The following PLXDC2 variants were observed in gnomAD, a reference collection of about 807,000 sequenced individuals.
PLXDC2 encodes plexin domain-containing protein 2.
In PLXDC2, 40 loss-of-function variants were observed where a neutral mutation model predicts 68.9. The ratio of observed to expected loss-of-function variants is 0.58; its 90% CI spans 0.45 to 0.76. The LOEUF (loss-of-function observed/expected upper bound fraction) is 0.76. Ranked by LOEUF, PLXDC2 falls within the 30% of genes least tolerant of loss-of-function variation. The probability of loss-of-function intolerance (pLI) is 0.00; values close to 1 mark genes in which losing one functional copy is unlikely to be tolerated. For missense variants in PLXDC2, 644 were observed against 661.9 expected (o/e 0.97, Z 0.30); for synonymous variants, 243 against 234.2 (o/e 1.04, Z -0.34).
rs1834540597 is a variant in PLXDC2, at chr10:20,177,308, T to G, written c.980-20T>G. 1 of 1,565,764 alleles carries G rather than the reference T, an allele frequency of 6.4e-7. No individual in the cohort carries two copies. Among genetic ancestry groups the G allele is most frequent in the East Asian group, 2.2e-5 (1 of 44,576 alleles). ...AGTTGCCTGTTAGTCTTGGTGAATC[T>G]GTTCTTTCCTCTTCCCTAGCATGCC... On this transcript the variant is annotated intron_variant, in intron 8 of 13. Transcript: ENST00000377252.
In PLXDC2 at chr10:20,113,730, A is replaced by G. The variant is rs557752574; in HGVS notation, c.542-29565A>G. On this transcript the variant is annotated intron_variant, in intron 4 of 13. Transcript: ENST00000377252. The stretch of plus-strand genomic sequence containing the variant: ...TTGAAGGGGAAAAATAAAAAAACAG[A>G]CACAGTTGATTTTGCCATGTACCCT... Among the ~76,000 whole-genome samples the G allele has an allele frequency of 2.6e-5, 4 of 152,296 alleles. No homozygotes were observed. In the South Asian group the frequency reaches 8.3e-4, roughly 32 times the overall value.
intron 5 of PLXDC2, among the ~76,000 whole-genome samples, chr10:20,145,624 A>G (rs939176558): frequency 2.0e-5 from 3 of 152,092 alleles, no homozygotes; most frequent in Non-Finnish European, 4.4e-5. Context: ...ATCTCTGCTC[A>G]CTACAACCTC....
intron 1 of PLXDC2, among the ~76,000 whole-genome samples, chr10:19,869,677 A>T (rs1225227506): frequency 6.6e-6 from 1 of 152,004 alleles, no homozygotes; most frequent in Admixed American, 6.6e-5. Context: ...TAATATATTG[A>T]ATAGTATTTA....
In PLXDC2 at chr10:19,901,491, A is replaced by G. The variant is rs150097080; in HGVS notation, c.112+84300A>G. Among the ~76,000 whole-genome samples, 191 of 152,042 alleles carry G rather than the reference A, an allele frequency of 1.3e-3. 1 individual carries two copies. Among genetic ancestry groups the G allele is most frequent in the African/African-American group, 4.1e-3 (170 of 41,492 alleles). Reference sequence around the variant, plus strand: ...GTATATCTTCTTTTGAGAATTGTCTATTCGTGTCCTTAGCCTACTTTTTGA... The same window carrying G: ...GTATATCTTCTTTTGAGAATTGTCTGTTCGTGTCCTTAGCCTACTTTTTGA... On this transcript the variant is annotated intron_variant, in intron 1 of 13. Coordinates refer to ENST00000377252, the MANE Select transcript of PLXDC2 (RefSeq NM_032812.9).
chr10:19,865,450 C>G (rs1035910930), intron 1 of PLXDC2, among the ~76,000 whole-genome samples: 1 of 152,156 alleles, frequency 6.6e-6, no homozygotes, highest in Non-Finnish European at 1.5e-5. Flanking sequence ...TTACTGTACT[C>G]GAGGTTCTGC....
At chr10:19,894,204 G>T (rs1589523682) in intron 1 of PLXDC2, among the ~76,000 whole-genome samples, 1 of 151,452 alleles carries the variant, frequency 6.6e-6, no homozygotes, top group African/African-American at 2.4e-5. Context: ...AAGTCTTCAA[G>T]ATCCCAGAAA....
At chr10:20,254,048 G>T (rs1218848393) in intron 13 of PLXDC2, among the ~76,000 whole-genome samples, 1 of 152,110 alleles carries the variant, frequency 6.6e-6, no homozygotes, top group Non-Finnish European at 1.5e-5. Context: ...ATGGCACCCG[G>T]TTACAGAGCC....
At chr10:20,276,449 A>G (rs1836008032) in intron 13 of PLXDC2, among the ~76,000 whole-genome samples, 1 of 152,212 alleles carries the variant, frequency 6.6e-6, no homozygotes, top group Non-Finnish European at 1.5e-5. Context: ...CTGACTGCAC[A>G]GCCAACCCCA....
intron 6 of PLXDC2, among the ~76,000 whole-genome samples, chr10:20,151,612 C>T (rs186822836): frequency 4.4e-4 from 67 of 152,254 alleles, no homozygotes; most frequent in African/African-American, 1.5e-3. Context: ...AAATCTATGT[C>T]TCATTTGTCT....
chr10:20,100,458 A>G (rs548785241), intron 4 of PLXDC2, among the ~76,000 whole-genome samples: 1 of 152,262 alleles, frequency 6.6e-6, no homozygotes, highest in South Asian at 2.1e-4. Flanking sequence ...TTTTCCTCCA[A>G]GGGAAAGGGT....
chr10:20,044,188 T>TCTCTCTCC (rs2131679447), intron 2 of PLXDC2, among the ~76,000 whole-genome samples: 4 of 129,118 alleles, frequency 3.1e-5, no homozygotes, highest in African/African-American at 1.0e-4. Flanking sequence ...CTTCTTTCTT[T>TCTCTCTCC]CTTTCTCTCT....
chr10:20,049,162 C>G (rs751563746), intron 3 of PLXDC2, among the ~76,000 whole-genome samples: 1 of 151,946 alleles, frequency 6.6e-6, no homozygotes, highest in Non-Finnish European at 1.5e-5. Context: ...AATTCAACAC[C>G]CTTCATGTTA....
chr10:20,071,147 G>T (rs978903655), intron 4 of PLXDC2: 5 of 152,178 alleles, frequency 3.3e-5, no homozygotes, highest in African/African-American at 1.2e-4. Flanking sequence ...ATTGACCTGG[G>T]TGTCTTCAAA....
intron 1 of PLXDC2, among the ~76,000 whole-genome samples, chr10:19,921,390 C>T (rs967133122): frequency 2.6e-5 from 4 of 152,118 alleles, no homozygotes; most frequent in Non-Finnish European, 5.9e-5. Flanking sequence ...ACAGTTTCAT[C>T]CCTGTTGGCC....
At chr10:19,861,861 T>C (rs16919458) in intron 1 of PLXDC2, among the ~76,000 whole-genome samples, 6,522 of 152,236 alleles carry the variant, frequency 0.043, 482 homozygotes, top group African/African-American at 0.15. Context: ...GAACTCTTCC[T>C]TAGTAACCTG....
At chr10:19,869,522 C>A (rs1026581298) in intron 1 of PLXDC2, among the ~76,000 whole-genome samples, 1 of 149,132 alleles carries the variant, frequency 6.7e-6, no homozygotes, top group Admixed American at 6.7e-5. Context: ...CATTAAATTT[C>A]TCTAAGCCAA....
At chr10:20,197,795 A>C (rs768192930) in intron 9 of PLXDC2, among the ~76,000 whole-genome samples, 2 of 152,018 alleles carry the variant, frequency 1.3e-5, no homozygotes, top group African/African-American at 2.4e-5. Context: ...AGTAGCTGGG[A>C]TTCTATGGTG....
intron 2 of PLXDC2, among the ~76,000 whole-genome samples, chr10:20,019,745 A>G (rs1376943814): frequency 6.6e-6 from 1 of 152,178 alleles, no homozygotes; most frequent in Non-Finnish European, 1.5e-5. Context: ...CTTGACACTG[A>G]ACTTCCAGCC....
intron 13 of PLXDC2, among the ~76,000 whole-genome samples, chr10:20,265,077 G>A (rs1466276390): frequency 2.0e-5 from 3 of 152,160 alleles, no homozygotes; most frequent in African/African-American, 7.2e-5. Context: ...GCAACATTTT[G>A]TGCTAGAAAG....
Sources: allele counts gnomAD v4.1 joint callset (sites outside exome capture counted in the v4.1 genomes callset), GRCh38; gene constraint gnomAD v4.1.1; transcripts MANE v1.5; gene names NCBI Gene and HGNC (gene_info 2026-07-23, HGNC 2026-07-21).